PDCD2L: variants seen among roughly 807,000 people sequenced by gnomAD.
PDCD2L encodes the protein uS5 assembly chaperone PDCD2L.
Under a neutral mutation model 40.4 loss-of-function variants are expected in PDCD2L, and 44 were observed. That is an observed-to-expected ratio of 1.09 (90% confidence interval 0.86 to 1.40). PDCD2L has a LOEUF of 1.40. Ranked by LOEUF, PDCD2L falls within the 40% of genes most tolerant of loss-of-function variation. PDCD2L has a pLI of 0.00. For synonymous variants in PDCD2L, 194 were observed against 174.6 expected (o/e 1.11, Z -0.88); for missense variants, 470 against 453.7 (o/e 1.04, Z -0.33).
At position 34,409,321 on chromosome 19, in the gene PDCD2L, G is replaced by A. The variant is rs762035030; in HGVS notation, c.497G>A (p.Arg166His). Residue 166 changes from arginine to histidine, a missense_variant, in exon 4 of 7, where the codon CGC becomes CAC. Physicochemically the swap from Arg to His is conservative, Grantham distance 29. Coordinates refer to ENST00000246535, the MANE Select transcript of PDCD2L (RefSeq NM_032346.2). ...VDWTARLQDL[R>H]LQDAVLGAAH... ...TGGACTGCTCGGCTCCAAGACCTCC[G>A]CCTGCAGGATGCTGTCCTGGGTGCT... The A allele has an allele frequency of 1.7e-5, 28 of 1,613,826 alleles. No individual in the cohort carries two copies. The highest frequency in any genetic ancestry group is 3.3e-5 in the Admixed American group (2 of 59,966).
At chr19:34,417,731 G>C (rs543530546) in intron 5 of PDCD2L, among the ~76,000 whole-genome samples, 76 of 152,340 alleles carry the variant, frequency 5.0e-4, no homozygotes, top group Non-Finnish European at 7.9e-4. Context: ...AGCATTCAGA[G>C]AGAAGATGGT....
At chr19:34,424,452 C>G (rs1249640714) in intron 6 of PDCD2L, among the ~76,000 whole-genome samples, 1 of 152,080 alleles carries the variant, frequency 6.6e-6, no homozygotes, top group Non-Finnish European at 1.5e-5. Flanking sequence ...AGAGCAAGAA[C>G]GAAAGGAAGT....
intron 5 of PDCD2L, among the ~76,000 whole-genome samples, chr19:34,418,453 G>A (rs2145468888): frequency 6.6e-6 from 1 of 152,052 alleles, no homozygotes; most frequent in South Asian, 2.1e-4. Flanking sequence ...CTTATTGCAT[G>A]TATCAATAGT....
intron 4 of PDCD2L, among the ~76,000 whole-genome samples, chr19:34,413,094 A>C (rs1436412054): frequency 6.6e-6 from 1 of 151,578 alleles, no homozygotes; most frequent in Non-Finnish European, 1.5e-5. Flanking sequence ...GCTGGAGTGC[A>C]ATAGCGCAAT....
At chr19:34,421,086 A>C (rs927495451) in intron 5 of PDCD2L, among the ~76,000 whole-genome samples, 2 of 151,886 alleles carry the variant, frequency 1.3e-5, no homozygotes, top group Non-Finnish European at 2.9e-5. Context: ...ATCAGGTGGT[A>C]ATGCTCGCTT....
At chr19:34,416,434 G>A (rs901611197) in intron 5 of PDCD2L, among the ~76,000 whole-genome samples, 1 of 152,228 alleles carries the variant, frequency 6.6e-6, no homozygotes, top group African/African-American at 2.4e-5. Context: ...GAGCAATTTC[G>A]CCTCCATTCG....
intron 3 of PDCD2L, among the ~76,000 whole-genome samples, chr19:34,406,357 C>G (rs111265899): frequency 6.6e-6 from 1 of 151,940 alleles, no homozygotes; most frequent in Non-Finnish European, 1.5e-5. Context: ...TTGAAATTTC[C>G]TCTAGCAATT....
intron 5 of PDCD2L, among the ~76,000 whole-genome samples, chr19:34,417,610 AAAAAAAAAG>A (rs998072788): frequency 2.0e-5 from 3 of 150,474 alleles, no homozygotes; most frequent in African/African-American, 7.4e-5. Flanking sequence ...TTTGTCTCAA[AAAAAAAAAG>A]AAAAAAAAAG....
chr19:34,421,489 G>C, intron 5 of PDCD2L, 30 bp from the exon 6 acceptor site: 1 of 1,612,134 alleles, frequency 6.2e-7, no homozygotes, highest in Non-Finnish European at 8.5e-7. Flanking sequence ...GTGTGGCTCT[G>C]ATTCGGGGTT....
chr19:34,426,129 C>A lies in PDCD2L; in HGVS notation c.*9C>A, dbSNP rs1599878099. The stretch of plus-strand genomic sequence containing the variant: ...AATTATTGTTTAAGTAGAGCATTTC[C>A]TTTTATTAATATAAATTAAAACAAA... On this transcript the variant is annotated 3_prime_UTR_variant, in exon 7 of 7. Coordinates refer to ENST00000246535, the MANE Select transcript of PDCD2L (RefSeq NM_032346.2). The A allele has an allele frequency of 6.6e-7, 1 of 1,520,126 alleles. No homozygotes were observed. Among genetic ancestry groups the A allele is most frequent in the Non-Finnish European group, 9.1e-7 (1 of 1,101,808 alleles). The allele number at this position is 1,520,126 out of a possible 1,614,324, so 94.2% of individuals were successfully genotyped here. A position where few individuals can be genotyped will look rare whatever the true frequency, so the allele number is the denominator to read the frequency against.
chr19:34,413,993 C>G (rs914288509), intron 5 of PDCD2L, 146 bp downstream of exon 5: 3 of 572,064 alleles, frequency 5.2e-6, no homozygotes, highest in Non-Finnish European at 9.2e-6. Flanking sequence ...TTTATAGGAC[C>G]TAATACCTAC....
At chr19:34,425,011 G>C (rs1042648094) in intron 6 of PDCD2L, among the ~76,000 whole-genome samples, 8 of 152,078 alleles carry the variant, frequency 5.3e-5, no homozygotes, top group African/African-American at 1.9e-4. Flanking sequence ...CTCCCAATGT[G>C]CTGGGATTAC....
At position 34,421,640 on chromosome 19, in the gene PDCD2L, G is replaced by A. The variant is rs1257928314; in HGVS notation, c.919G>A (p.Val307Ile). The change falls in exon 6 of 7, where the codon GTC becomes ATC. Residue 307 changes from valine to isoleucine, a missense_variant. Physicochemically the swap from Val to Ile is conservative, Grantham distance 29. Transcript: ENST00000246535. ...TGAGTTTCAGCTTATGCCAGCACTG[G>A]TCAGCATGCTCAAGAGTGCTAATTT... ...IFEFQLMPAL[V>I]SMLKSANLGL... 1 of 1,614,088 alleles carries A rather than the reference G, an allele frequency of 6.2e-7. No individual in the cohort carries two copies.
Position 34,404,992 on chromosome 19 carries a change from T to C in PDCD2L, c.336+2T>C. ...GAGAGAGAGGCGCAGGACGCTCAGG[T>C]AAAGGTTGTGATTGGCATGTTATTG... On this transcript the variant is annotated splice_donor_variant, in intron 3 of 6. Transcript: ENST00000246535. LOFTEE classifies it high-confidence loss of function. 1.2e-6 allele frequency: 2 copies of C among 1,614,062 alleles called. No individual in the cohort carries two copies. Among genetic ancestry groups the C allele is most frequent in the Admixed American group, 1.7e-5 (1 of 60,010 alleles).
At chr19:34,417,206 A>C (rs570849758) in intron 5 of PDCD2L, among the ~76,000 whole-genome samples, 1 of 152,366 alleles carries the variant, frequency 6.6e-6, no homozygotes, top group African/African-American at 2.4e-5. Context: ...AATGGATTCC[A>C]TAAAACAAGA....
Position 34,409,445 on chromosome 19 carries a change from C to A in PDCD2L, c.621C>A (p.Ala207=). 3 of 1,614,110 alleles carry A rather than the reference C, an allele frequency of 1.9e-6. No homozygotes were observed. Among genetic ancestry groups the A allele is most frequent in the Non-Finnish European group, 2.5e-6 (3 of 1,180,016 alleles). Residue 207 remains alanine, a synonymous_variant, in exon 4 of 7, where the codon GCC becomes GCA. Coordinates refer to ENST00000246535, the MANE Select transcript of PDCD2L (RefSeq NM_032346.2). ...DYRDFVNLDH[A]HSLLRDYQQR... is the part of the protein sequence containing the mutation. ...GGGACTTTGTCAACCTGGATCATGC[C>A]CACAGCCTTCTGAGGGACTATCAGC...
At chr19:34,405,550 G>A (rs551374940) in intron 3 of PDCD2L, among the ~76,000 whole-genome samples, 2 of 151,598 alleles carry the variant, frequency 1.3e-5, no homozygotes, top group Non-Finnish European at 2.9e-5. Context: ...GGTGGCTCAC[G>A]CCTGTGATCC....
chr19:34,413,482 G>C (rs893290536), intron 4 of PDCD2L, among the ~76,000 whole-genome samples: 1 of 151,830 alleles, frequency 6.6e-6, no homozygotes, highest in South Asian at 2.1e-4. Context: ...GACTATAGGC[G>C]CAAGCCACCA....
At chr19:34,410,407 A>T (rs535829248) in intron 4 of PDCD2L, among the ~76,000 whole-genome samples, 3 of 152,186 alleles carry the variant, frequency 2.0e-5, no homozygotes, top group African/African-American at 7.2e-5. Context: ...ATGTGCCACC[A>T]TGCCCAGCTA....
Sources: allele counts gnomAD v4.1 joint callset (sites outside exome capture counted in the v4.1 genomes callset), GRCh38; gene constraint gnomAD v4.1.1; transcripts MANE v1.5; gene names NCBI Gene and HGNC (gene_info 2026-07-23, HGNC 2026-07-21).